ABHD10: variants seen among roughly 807,000 people sequenced by gnomAD.
The protein encoded by ABHD10 is palmitoyl-protein thioesterase ABHD10, mitochondrial.
ABHD10 carries 22 observed loss-of-function variants against 33.1 expected under a neutral mutation model. That is an observed-to-expected ratio of 0.66 (90% CI 0.47 to 0.95). The LOEUF (loss-of-function observed/expected upper bound fraction) is 0.95, where lower values mean the gene tolerates loss of function less well. Ranked by LOEUF, ABHD10 falls within the 40% of genes least tolerant of loss-of-function variation. The pLI is 0.00. For synonymous variants in ABHD10, 146 were observed against 133.9 expected (o/e 1.09, Z -0.62); for missense variants, 352 against 379.9 (o/e 0.93, Z 0.61).
At chr3:111,989,417 G>A (rs1350144819) in intron 4 of ABHD10, among the ~76,000 whole-genome samples, 2 of 152,186 alleles carry the variant, frequency 1.3e-5, no homozygotes, top group African/African-American at 2.4e-5. Context: ...TGTTCTTGAG[G>A]ACTTGAGACA....
At chr3:111,982,342 A>G (rs2072596034) in intron 2 of ABHD10, 1 of 158,320 alleles carries the variant, frequency 6.3e-6, no homozygotes, top group African/African-American at 2.4e-5. Flanking sequence ...TCTAAAAGTA[A>G]TACATGTATT....
rs752315995 is a variant in ABHD10, at chr3:111,991,756, T to C, written c.*35T>C. On this transcript the variant is annotated 3_prime_UTR_variant, in exon 5 of 5. Coordinates refer to ENST00000273359, the MANE Select transcript of ABHD10 (RefSeq NM_018394.4). ...TTTAGTTGGTATGTAAACTAATGTA[T>C]CCAGAAGATTGGAAGAGGGATAAGA... The C allele has an allele frequency of 2.7e-6, 4 of 1,492,524 alleles. No homozygotes were observed. The highest frequency in any genetic ancestry group is 2.8e-5 in the African/African-American group (2 of 70,882). The allele number at this position is 1,492,524 out of a possible 1,614,324, so 92.5% of individuals were successfully genotyped here.
In ABHD10 at chr3:111,991,492, T is replaced by TA. The variant is rs777310247; in HGVS notation, c.693dup (p.His232ThrfsTer2). Reference sequence around the variant, plus strand: ...AAAGAAGCTGAACATCACTGCTTGTTACATAGCCCAATTCCTGTGAACTGC... The same window carrying TA: ...AAAGAAGCTGAACATCACTGCTTGTTAACATAGCCCAATTCCTGTGAACTGC... On this transcript the variant is annotated frameshift_variant, in exon 5 of 5. Coordinates refer to ENST00000273359, the MANE Select transcript of ABHD10 (RefSeq NM_018394.4). LOFTEE classifies it high-confidence loss of function. 4 of 1,614,014 alleles carry TA rather than the reference T, an allele frequency of 2.5e-6. No homozygotes were observed. In the African/African-American group the frequency reaches 4.0e-5, roughly 16 times the overall value.
In ABHD10 at chr3:111,979,190, ACG is replaced by A; in HGVS notation, c.130_131del (p.Arg44ValfsTer6). ...LLARIPQRAPRWLPACRQKTS... is the reference protein window; with the variant it reads ...LLARIPQRAPXWLPACRQKTS... Reference sequence around the variant, plus strand: ...TTGCACGGATACCTCAGCGGGCGCCACGGTGGCTCCCAGGTCAGTGTCCGAAA... The same window carrying A: ...TTGCACGGATACCTCAGCGGGCGCCAGTGGCTCCCAGGTCAGTGTCCGAAA... On this transcript the variant is annotated frameshift_variant, in exon 1 of 5. Transcript: ENST00000273359. LOFTEE classifies it high-confidence loss of function. The A allele has an allele frequency of 6.2e-7, 1 of 1,605,096 alleles. No individual in the cohort carries two copies. Among genetic ancestry groups the A allele is most frequent in the South Asian group, 1.1e-5 (1 of 90,604 alleles).
intron 2 of ABHD10, among the ~76,000 whole-genome samples, chr3:111,982,725 G>A (rs1227626657): frequency 6.6e-6 from 1 of 152,084 alleles, no homozygotes; most frequent in African/African-American, 2.4e-5. Context: ...GATAACTTCT[G>A]AGTTATTTTC....
Position 111,984,850 on chromosome 3 carries a change from C to T in ABHD10, c.327-1414C>T, listed in dbSNP as rs1054055474. On this transcript the variant is annotated intron_variant, in intron 2 of 4. Coordinates refer to ENST00000273359, the MANE Select transcript of ABHD10 (RefSeq NM_018394.4). The stretch of plus-strand genomic sequence containing the variant: ...CACCTACACCAAGATACTGGACTTA[C>T]CAAAGTACCAAGAAAGGGATGAACA... Among the ~76,000 whole-genome samples, 5 of 151,960 alleles carry T rather than the reference C, an allele frequency of 3.3e-5. 1 individual carries two copies. The highest frequency in any genetic ancestry group is 1.2e-4 in the African/African-American group (5 of 41,398).
At chr3:111,988,734 T>G (rs2072704377) in intron 4 of ABHD10, among the ~76,000 whole-genome samples, 3 of 152,026 alleles carry the variant, frequency 2.0e-5, no homozygotes. Context: ...GGACCACAAG[T>G]GCACACCACT....
At chr3:111,990,373 C>T (rs944365184) in intron 4 of ABHD10, among the ~76,000 whole-genome samples, 2 of 151,698 alleles carry the variant, frequency 1.3e-5, no homozygotes, top group African/African-American at 4.8e-5. Flanking sequence ...ACACAAAAAC[C>T]AAAACACATA....
intron 4 of ABHD10, among the ~76,000 whole-genome samples, chr3:111,989,756 G>C (rs1020381548): frequency 1.3e-5 from 2 of 151,288 alleles, no homozygotes; most frequent in African/African-American, 4.8e-5. Flanking sequence ...TTATAGTTTT[G>C]TAGAATTTCA....
intron 2 of ABHD10, among the ~76,000 whole-genome samples, chr3:111,983,737 C>T (rs1215737105): frequency 1.3e-5 from 2 of 152,058 alleles, no homozygotes. Flanking sequence ...TATTAAGGTC[C>T]TATCACCATG....
Position 111,992,549 on chromosome 3 carries a change from A to G in ABHD10, c.*828A>G, listed in dbSNP as rs1210936837. ...ATCAGAAGACGTTCTAAAGTCAGTA[A>G]GAAAGTGTGAAATGCTAGTATAAAG... is the stretch of plus-strand genomic sequence containing the variant. On this transcript the variant is annotated 3_prime_UTR_variant, in exon 5 of 5. Coordinates refer to ENST00000273359, the MANE Select transcript of ABHD10 (RefSeq NM_018394.4). The G allele has an allele frequency of 6.6e-6, 1 of 152,176 alleles. No individual in the cohort carries two copies. The highest frequency in any genetic ancestry group is 1.5e-5 in the Non-Finnish European group (1 of 68,020). 9.4% of individuals were successfully genotyped at this position (152,176 alleles called of 1,614,324 possible). A position where few individuals can be genotyped will look rare whatever the true frequency, so the allele number is the denominator to read the frequency against.
rs1559939064 is a variant in ABHD10 at position 111,992,637 on chromosome 3, G to C, written c.*916G>C. On this transcript the variant is annotated 3_prime_UTR_variant, in exon 5 of 5. Transcript: ENST00000273359. ...GTAGATTGAGCCTTGATATTATTTA[G>C]TTAATGTTTTTTATTAATTAATTTT... 1 of 126,494 alleles carries C rather than the reference G, an allele frequency of 7.9e-6. No homozygotes were observed. Among genetic ancestry groups the C allele is most frequent in the Non-Finnish European group, 1.8e-5 (1 of 56,710 alleles). The allele number at this position is 126,494 out of a possible 1,614,324, so 7.8% of individuals were successfully genotyped here. A position where few individuals can be genotyped will look rare whatever the true frequency, so the allele number is the denominator to read the frequency against.
intron 4 of ABHD10, chr3:111,990,806 G>A (rs2107714089): frequency 2.0e-6 from 2 of 1,004,600 alleles, no homozygotes; most frequent in East Asian, 3.1e-5. Context: ...TCTTAGTTCT[G>A]TGTTTGATTC....
intron 2 of ABHD10, among the ~76,000 whole-genome samples, chr3:111,983,211 A>T (rs1037536373): frequency 6.6e-6 from 1 of 152,192 alleles, no homozygotes; most frequent in South Asian, 2.1e-4. Flanking sequence ...ATTGAAATAG[A>T]TAAAGGAACG....
At chr3:111,990,079 A>G (rs530273621) in intron 4 of ABHD10, among the ~76,000 whole-genome samples, 1 of 152,036 alleles carries the variant, frequency 6.6e-6, no homozygotes, top group South Asian at 2.1e-4. Flanking sequence ...ATATTATATG[A>G]TTGTAACAGT....
At position 111,992,539 on chromosome 3, in the gene ABHD10, A is replaced by C. The variant is rs1022083762; in HGVS notation, c.*818A>C. 18 of 152,160 alleles carry C rather than the reference A, an allele frequency of 1.2e-4. No individual in the cohort carries two copies. Among genetic ancestry groups the C allele is most frequent in the Non-Finnish European group, 2.1e-4 (14 of 68,008 alleles). The allele number at this position is 152,160 out of a possible 1,614,324, so 9.4% of individuals were successfully genotyped here. ...TGCCACCTAAATCAGAAGACGTTCT[A>C]AAGTCAGTAAGAAAGTGTGAAATGC... On this transcript the variant is annotated 3_prime_UTR_variant, in exon 5 of 5. Coordinates refer to ENST00000273359, the MANE Select transcript of ABHD10 (RefSeq NM_018394.4).
At chr3:111,989,418 A>G (rs1208818317) in intron 4 of ABHD10, among the ~76,000 whole-genome samples, 1 of 152,174 alleles carries the variant, frequency 6.6e-6, no homozygotes, top group East Asian at 1.9e-4. Flanking sequence ...GTTCTTGAGG[A>G]CTTGAGACAT....
rs985180816 is a variant in ABHD10 at position 111,979,292 on chromosome 3, G to A, written c.142+89G>A. On this transcript the variant is annotated intron_variant, in intron 1 of 4. Transcript: ENST00000273359. ...CGTGCCTGTGCAGTGCGTCTTTGGCGCCCGGTTCAAAAATGCTCCTCCCCC... is the reference window on the plus strand; with the variant it reads ...CGTGCCTGTGCAGTGCGTCTTTGGCACCCGGTTCAAAAATGCTCCTCCCCC... 6 of 1,422,618 alleles carry A rather than the reference G, an allele frequency of 4.2e-6. No individual in the cohort carries two copies. In the African/African-American group the frequency reaches 7.2e-5, roughly 17 times the overall value. The allele number at this position is 1,422,618 out of a possible 1,614,324, so 88.1% of individuals were successfully genotyped here.
intron 2 of ABHD10, among the ~76,000 whole-genome samples, chr3:111,983,538 C>T (rs2072613074): frequency 6.9e-6 from 1 of 145,284 alleles, no homozygotes; most frequent in South Asian, 2.2e-4. Context: ...TTTATTTGCT[C>T]TTATCAAAGT....
Sources: gnomAD v4.1 joint callset for allele counts (sites outside exome capture counted in the v4.1 genomes callset) on GRCh38, gnomAD v4.1.1 for gene constraint, MANE v1.5 for transcripts, NCBI Gene and HGNC (gene_info 2026-07-23, HGNC 2026-07-21) for gene names.